Variants in MAN2B2 observed in about 807,000 individuals in gnomAD.
MAN2B2 encodes epididymis-specific alpha-mannosidase.
A neutral mutation model predicts 117.1 loss-of-function variants in MAN2B2; 106 were observed. That is an observed-to-expected ratio of 0.90 (90% CI 0.77 to 1.06). The LOEUF is 1.06. Ranked by LOEUF, MAN2B2 falls within the 50% of genes least tolerant of loss-of-function variation. MAN2B2 has a pLI of 0.00. For synonymous variants in MAN2B2, 544 were observed against 595.1 expected, an observed-to-expected ratio of 0.91 and a Z score of 1.25; for missense variants, 1,326 against 1,381.4, an observed-to-expected ratio of 0.96 and a Z score of 0.64.
intron 12 of MAN2B2, chr4:6,609,511 TG>T (rs3214186): frequency 0.18 from 111,547 of 634,400 alleles, 10,346 homozygotes; most frequent in Admixed American, 0.27. Flanking sequence ...AGTTCAGAGC[TG>T]GGAGAGAGAC....
At position 6,621,196 on chromosome 4, in the gene MAN2B2, A is replaced by C. The variant is rs1577300578; in HGVS notation, c.2941A>C (p.Thr981Pro). ...TGPGRHRGDT[T>P]SPSRPPGGPI... ...CACCTCTGTTCCCCTAGGTGACACC[A>C]CCTCTCCCTCGAGGCCACCAGGAGG... Residue 981 changes from threonine (T) to proline (P), a missense_variant, in exon 19 of 19, where the codon ACC (threonine) becomes CCC (proline). Transcript: ENST00000285599. The C allele has an allele frequency of 6.2e-7, 1 of 1,613,700 alleles. No individual in the cohort carries two copies. Among genetic ancestry groups the C allele is most frequent in the Non-Finnish European group, 8.5e-7 (1 of 1,179,736 alleles).
rs199860471 is a variant in MAN2B2 at position 6,614,228 on chromosome 4, G to C, written c.2574G>C (p.Pro858=). The change falls in exon 16 of 19, where the codon CCG becomes CCC. Residue 858 remains proline (P), a synonymous_variant. Transcript: ENST00000285599. ...VLFGDLAGTA[P]KLPGPQQQEA... is the part of the protein sequence containing the mutation. ...CCATCTGCCTTGCAGGGACTGCGCC[G>C]AAGCTCCCAGGACCCCAGCAGCAAG... 6.2e-7 allele frequency: 1 copy of C among 1,613,944 alleles called. No individual in the cohort carries two copies. Among genetic ancestry groups the C allele is most frequent in the African/African-American group, 1.3e-5 (1 of 74,910 alleles).
rs750424188 is a variant in MAN2B2 at position 6,611,101 on chromosome 4, C to T, written c.2386C>T (p.Arg796Trp). 39 of 1,613,100 alleles carry T rather than the reference C, an allele frequency of 2.4e-5. No individual in the cohort carries two copies. The highest frequency in any genetic ancestry group is 1.6e-4 in the Middle Eastern group (1 of 6,078). Residue 796 changes from arginine to tryptophan, a missense_variant, in exon 15 of 19, where the codon CGG (arginine) becomes TGG (tryptophan). Coordinates refer to ENST00000285599, the MANE Select transcript of MAN2B2 (RefSeq NM_015274.3). ...CTTCCCGCAGGTCATGCTCCACCGG[C>T]GGCTGTGGAACAACTTCGACTGGGA... ...NGQVEVMLHR[R>W]LWNNFDWDLG... is the part of the protein sequence containing the mutation.
At chr4:6,600,403 C>T (rs1279738376) in intron 9 of MAN2B2, among the ~76,000 whole-genome samples, 1 of 152,248 alleles carries the variant, frequency 6.6e-6, no homozygotes, top group African/African-American at 2.4e-5. Flanking sequence ...GTTCCGAGCC[C>T]CTCCGCCTGC....
chr4:6,621,162 T>C (rs754577871), intron 18 of MAN2B2, 26 bp from the exon 19 acceptor site: 2 of 1,578,918 alleles, frequency 1.3e-6, no homozygotes, highest in East Asian at 2.2e-5. Flanking sequence ...CAGGCCACAC[T>C]GGACAGATCA....
intron 17 of MAN2B2, chr4:6,618,573 C>G (rs781333219): frequency 1.3e-5 from 2 of 152,352 alleles, no homozygotes; most frequent in Non-Finnish European, 2.9e-5. Flanking sequence ...GGCCTCGTCC[C>G]CTTCCAGGTT....
At chr4:6,612,044 A>G (rs1711594367) in intron 15 of MAN2B2, among the ~76,000 whole-genome samples, 1 of 152,246 alleles carries the variant, frequency 6.6e-6, no homozygotes, top group Admixed American at 6.5e-5. Context: ...TGCCATTCTC[A>G]CTAATCCTTA....
chr4:6,576,820 G>A (rs951952798), intron 2 of MAN2B2, 96 bp downstream of exon 2: 2 of 1,493,248 alleles, frequency 1.3e-6, no homozygotes, highest in African/African-American at 1.4e-5. Flanking sequence ...GCCAGGGCCA[G>A]GCTGGCATAA....
Position 6,589,113 on chromosome 4 carries a change from G to T in MAN2B2, c.633G>T (p.Met211Ile), listed in dbSNP as rs1470920972. The change falls in exon 5 of 19, where the codon ATG becomes ATT. Residue 211 changes from methionine to isoleucine, a missense_variant. By Grantham distance (10) the Met-to-Ile change is conservative (BLOSUM62 1). Coordinates refer to ENST00000285599, the MANE Select transcript of MAN2B2 (RefSeq NM_015274.3). ...GGCAGGAAATCTTCACGCACATCAT[G>T]GACCAGTACAGCTACTGCACCCCGT... ...SERQEIFTHIMDQYSYCTPSH... is the reference protein window; with the variant it reads ...SERQEIFTHIIDQYSYCTPSH... 1.9e-6 allele frequency: 3 copies of T among 1,614,220 alleles called. No individual in the cohort carries two copies. In the South Asian group the frequency reaches 3.3e-5, roughly 18 times the overall value.
chr4:6,581,468 C>T (rs540017295), intron 3 of MAN2B2, among the ~76,000 whole-genome samples: 1 of 152,248 alleles, frequency 6.6e-6, no homozygotes, highest in East Asian at 1.9e-4. Context: ...AACTTGTAGT[C>T]CCTAGGGCGG....
At chr4:6,620,215 A>G in intron 18 of MAN2B2, 171 bp downstream of exon 18, 1 of 586,702 alleles carries the variant, frequency 1.7e-6, no homozygotes, top group Admixed American at 3.0e-5. Flanking sequence ...GTCGGTTAAG[A>G]AAGGCTTTGG....
At chr4:6,614,158 G>A in intron 15 of MAN2B2, 60 bp from the exon 16 acceptor site, 2 of 1,585,908 alleles carry the variant, frequency 1.3e-6, no homozygotes, top group South Asian at 2.3e-5. Flanking sequence ...AGAGCTCTGA[G>A]TGCCAGGAGG....
chr4:6,577,086 G>GC (rs1726092842), intron 2 of MAN2B2, among the ~76,000 whole-genome samples: 1 of 152,100 alleles, frequency 6.6e-6, no homozygotes, highest in Non-Finnish European at 1.5e-5. Flanking sequence ...TATCTGCCTG[G>GC]CCCCCGGGCC....
At chr4:6,582,765 T>A (rs1411348918) in intron 3 of MAN2B2, among the ~76,000 whole-genome samples, 1 of 152,172 alleles carries the variant, frequency 6.6e-6, no homozygotes, top group Non-Finnish European at 1.5e-5. Flanking sequence ...AGCAAGACCC[T>A]CCAGCTCAGG....
Position 6,605,044 on chromosome 4 carries a change from T to G in MAN2B2, c.1540-11T>G. On this transcript the variant is annotated splice_polypyrimidine_tract_variant and intron_variant, in intron 10 of 18. Coordinates refer to ENST00000285599, the MANE Select transcript of MAN2B2 (RefSeq NM_015274.3). Reference sequence around the variant, plus strand: ...TGACAGTTAACAAGTCTCATCCTGCTGGCCTTGCAGATCCAGAACTCAACA... The same window carrying G: ...TGACAGTTAACAAGTCTCATCCTGCGGGCCTTGCAGATCCAGAACTCAACA... 6.2e-7 allele frequency: 1 copy of G among 1,605,394 alleles called. No individual in the cohort carries two copies. The highest frequency in any genetic ancestry group is 2.2e-5 in the East Asian group (1 of 44,608).
chr4:6,577,321 A>C (rs1382905702), intron 2 of MAN2B2, among the ~76,000 whole-genome samples: 1 of 152,174 alleles, frequency 6.6e-6, no homozygotes, highest in African/African-American at 2.4e-5. Context: ...TCATGCCAAG[A>C]ATGAAGCCCT....
rs1250424669 is a variant in MAN2B2, at chr4:6,594,730, C to T, written c.1055C>T (p.Thr352Ile). The change falls in exon 7 of 19, where the codon ACA becomes ATA. Residue 352 changes from threonine to isoleucine, a missense_variant and splice_region_variant. Physicochemically the swap from Thr to Ile is moderately conservative, Grantham distance 89. Coordinates refer to ENST00000285599, the MANE Select transcript of MAN2B2 (RefSeq NM_015274.3). ...RDHHDFLPYS[T>I]EPFQAWTGFY... Reference sequence around the variant, plus strand: ...CACCACGACTTCCTGCCCTATTCCACAGGTACAGGCTTCCAGGGGCTGGGG... The same window carrying T: ...CACCACGACTTCCTGCCCTATTCCATAGGTACAGGCTTCCAGGGGCTGGGG... The T allele has an allele frequency of 1.2e-6, 2 of 1,609,374 alleles. No homozygotes were observed. Among genetic ancestry groups the T allele is most frequent in the African/African-American group, 1.3e-5 (1 of 74,806 alleles).
At chr4:6,589,670 G>A (rs1009227645) in intron 5 of MAN2B2, among the ~76,000 whole-genome samples, 3 of 152,202 alleles carry the variant, frequency 2.0e-5, no homozygotes, top group African/African-American at 7.2e-5. Context: ...GAGGGTAAGT[G>A]ACCAGATCAG....
chr4:6,621,220 G>A lies in MAN2B2; in HGVS notation c.2965G>A (p.Gly989Ser). ...CACCTCTCCCTCGAGGCCACCAGGA[G>A]GCCCCATCATCACCGTCCACCCAAA... ...DTTSPSRPPG[G>S]PIITVHPKEI... is the part of the protein sequence containing the mutation. The change falls in exon 19 of 19, where the codon GGC becomes AGC. Residue 989 changes from glycine (G) to serine (S), a missense_variant. Transcript: ENST00000285599. 6.2e-7 allele frequency: 1 copy of A among 1,614,092 alleles called. No homozygotes were observed. Among genetic ancestry groups the A allele is most frequent in the East Asian group, 2.2e-5 (1 of 44,862 alleles).
Sources: gnomAD v4.1 joint callset for allele counts (sites outside exome capture counted in the v4.1 genomes callset) on GRCh38, gnomAD v4.1.1 for gene constraint, MANE v1.5 for transcripts, NCBI Gene and HGNC (gene_info 2026-07-23, HGNC 2026-07-21) for gene names.